The following PLEKHM3 variants were observed in gnomAD, a reference collection of about 807,000 sequenced individuals.
PLEKHM3 encodes pleckstrin homology domain containing M3, also known as pleckstrin homology domain-containing family M member 3.
Under a neutral mutation model 81.8 loss-of-function variants are expected in PLEKHM3, and 45 were observed. The ratio of observed to expected loss-of-function variants is 0.55; its 90% CI spans 0.43 to 0.71. The LOEUF (loss-of-function observed/expected upper bound fraction) is 0.71, where lower values mean the gene tolerates loss of function less well. Ranked by LOEUF, PLEKHM3 falls within the 30% of genes least tolerant of loss-of-function variation. The pLI, the probability that PLEKHM3 is intolerant of heterozygous loss-of-function variation, is 0.00. For synonymous variants in PLEKHM3, 352 were observed against 356.4 expected, an observed-to-expected ratio of 0.99 and a Z score of 0.14; for missense variants, 788 against 924.3, an observed-to-expected ratio of 0.85 and a Z score of 1.91.
intron 6 of PLEKHM3, among the ~76,000 whole-genome samples, chr2:207,876,610 AT>A (rs1042270810): frequency 1.3e-4 from 20 of 152,234 alleles, no homozygotes; most frequent in African/African-American, 3.6e-4. Context: ...GTCAATAGCC[AT>A]ATCTAATACC....
intron 7 of PLEKHM3, among the ~76,000 whole-genome samples, chr2:207,835,162 C>T (rs780824909): frequency 6.6e-6 from 1 of 151,906 alleles, no homozygotes; most frequent in African/African-American, 2.4e-5. Flanking sequence ...CCAGGCTAGT[C>T]TCGAACTCCT....
rs1416749214 is a variant in PLEKHM3, at chr2:208,009,063, A to AT, written c.-318-7107dup. On this transcript the variant is annotated intron_variant, in intron 1 of 7. Coordinates refer to ENST00000427836, the MANE Select transcript of PLEKHM3 (RefSeq NM_001080475.3). Reference sequence around the variant, plus strand: ...AGTAAGTATTTGCTGAGTGCCTACTATGGGGGGGACACTGTTCTGGGCACC... The same window carrying AT: ...AGTAAGTATTTGCTGAGTGCCTACTATTGGGGGGGACACTGTTCTGGGCACC... 2.6e-5 allele frequency among the ~76,000 whole-genome samples: 4 copies of AT among 152,146 alleles called. No homozygotes were observed. The East Asian group carries it at 5.8e-4, about 22-fold the overall frequency.
intron 6 of PLEKHM3, among the ~76,000 whole-genome samples, chr2:207,897,835 G>C (rs1177101565): frequency 1.3e-5 from 2 of 152,190 alleles, no homozygotes; most frequent in Non-Finnish European, 1.5e-5. Context: ...AGGGAGTCTG[G>C]TGATACCTTT....
chr2:208,002,278 CAA>C (rs1692337191), intron 1 of PLEKHM3, among the ~76,000 whole-genome samples: 1 of 152,134 alleles, frequency 6.6e-6, no homozygotes, highest in Admixed American at 6.5e-5. Flanking sequence ...AAATAGTAAG[CAA>C]AAGAGACTAG....
chr2:207,922,314 A>C (rs1206155627), intron 5 of PLEKHM3, among the ~76,000 whole-genome samples: 1 of 152,228 alleles, frequency 6.6e-6, no homozygotes, highest in East Asian at 1.9e-4. Context: ...TAATATATTT[A>C]AGGGGAAGTA....
At chr2:207,854,586 T>C (rs553725605) in intron 7 of PLEKHM3, among the ~76,000 whole-genome samples, 9 of 152,362 alleles carry the variant, frequency 5.9e-5, no homozygotes, top group African/African-American at 1.7e-4. Context: ...TTAGTGTTTC[T>C]CTTTGCCTTT....
intron 2 of PLEKHM3, among the ~76,000 whole-genome samples, chr2:207,994,579 T>C (rs1345045913): frequency 6.6e-6 from 1 of 152,092 alleles, no homozygotes; most frequent in Non-Finnish European, 1.5e-5. Context: ...TCAGGGCTAG[T>C]TCCCAGTCAC....
At chr2:207,978,210 T>C (rs1485208458) in intron 2 of PLEKHM3, among the ~76,000 whole-genome samples, 8 of 152,176 alleles carry the variant, frequency 5.3e-5, no homozygotes, top group Non-Finnish European at 1.2e-4. Context: ...GAGGTCTGTG[T>C]AGAAAACAGA....
At chr2:207,978,029 T>C (rs1385933024) in intron 2 of PLEKHM3, among the ~76,000 whole-genome samples, 1 of 152,136 alleles carries the variant, frequency 6.6e-6, no homozygotes, top group Non-Finnish European at 1.5e-5. Flanking sequence ...GGAGCTGCAG[T>C]GAGCCATAAT....
chr2:207,893,214 C>T (rs1688114185), intron 6 of PLEKHM3, among the ~76,000 whole-genome samples: 1 of 152,220 alleles, frequency 6.6e-6, no homozygotes, highest in Non-Finnish European at 1.5e-5. Flanking sequence ...TTGGCCCTTT[C>T]TGCCACCCCA....
At chr2:207,944,957 T>G (rs951735624) in intron 4 of PLEKHM3, among the ~76,000 whole-genome samples, 2 of 152,234 alleles carry the variant, frequency 1.3e-5, no homozygotes, top group Non-Finnish European at 2.9e-5. Context: ...CTTCCTTTTA[T>G]AGCAAAACTT....
chr2:207,953,749 G>C (rs1690413837), intron 3 of PLEKHM3, among the ~76,000 whole-genome samples: 1 of 151,920 alleles, frequency 6.6e-6, no homozygotes, highest in African/African-American at 2.4e-5. Flanking sequence ...GCTGGAACCT[G>C]GGAGGCAGAG....
intron 3 of PLEKHM3, among the ~76,000 whole-genome samples, chr2:207,968,200 C>T (rs766087545): frequency 3.9e-5 from 6 of 151,972 alleles, no homozygotes; most frequent in Non-Finnish European, 7.4e-5. Flanking sequence ...TTTTGTGTGC[C>T]CTCAGACTAT....
chr2:207,954,230 C>A (rs183510377), intron 3 of PLEKHM3, among the ~76,000 whole-genome samples: 1 of 152,232 alleles, frequency 6.6e-6, no homozygotes, highest in Admixed American at 6.5e-5. Flanking sequence ...GTGGTCTGCA[C>A]CTGCAATCCC....
intron 6 of PLEKHM3, among the ~76,000 whole-genome samples, chr2:207,863,970 T>A (rs996169385): frequency 2.0e-5 from 3 of 151,622 alleles, no homozygotes; most frequent in Non-Finnish European, 2.9e-5. Flanking sequence ...TTTATATATA[T>A]ATATATAAGC....
intron 3 of PLEKHM3, among the ~76,000 whole-genome samples, chr2:207,971,867 CCTT>C (rs1559263250): frequency 2.0e-5 from 3 of 152,210 alleles, no homozygotes; most frequent in African/African-American, 7.2e-5. Flanking sequence ...TGCTCAAGAA[CCTT>C]CTGTGACTTC....
intron 6 of PLEKHM3, among the ~76,000 whole-genome samples, chr2:207,898,655 G>A (rs924328622): frequency 1.3e-5 from 2 of 152,128 alleles, no homozygotes; most frequent in African/African-American, 4.8e-5. Flanking sequence ...CTACACAGGG[G>A]GCTGAGGTGG....
rs76418423 is a variant in PLEKHM3, at chr2:207,884,439, T to C, written c.1951-23177A>G. Among the ~76,000 whole-genome samples, 251 of 152,264 alleles carry C rather than the reference T, an allele frequency of 1.6e-3. 6 individuals carry two copies. In the East Asian group the frequency reaches 0.04, roughly 24 times the overall value. On this transcript the variant is annotated intron_variant, in intron 6 of 7. Coordinates refer to ENST00000427836, the MANE Select transcript of PLEKHM3 (RefSeq NM_001080475.3). ...TGACAAGATCTGGTATACAGGAAAG[T>C]TGGAAACATTTTGATGACACAAAAG... is the stretch of plus-strand genomic sequence containing the variant.
At chr2:207,918,454 G>T (rs1048581945) in intron 5 of PLEKHM3, among the ~76,000 whole-genome samples, 3 of 152,104 alleles carry the variant, frequency 2.0e-5, no homozygotes, top group Non-Finnish European at 2.9e-5. Flanking sequence ...CCTGGGAGGC[G>T]GAGCTTGCAG....
Sources: allele counts gnomAD v4.1 joint callset (sites outside exome capture counted in the v4.1 genomes callset), GRCh38; gene constraint gnomAD v4.1.1; transcripts MANE v1.5; gene names NCBI Gene and HGNC (gene_info 2026-07-23, HGNC 2026-07-21).